CAMSAP1: variants seen among roughly 807,000 people sequenced by gnomAD.
CAMSAP1 encodes calmodulin-regulated spectrin-associated protein 1.
Under a neutral mutation model 143.5 loss-of-function variants are expected in CAMSAP1, and 58 were observed. The ratio of observed to expected loss-of-function variants is 0.40; its 90% CI spans 0.33 to 0.50. The LOEUF (loss-of-function observed/expected upper bound fraction) is 0.50, where lower values mean the gene tolerates loss of function less well. Among genes scored for constraint, CAMSAP1 ranks in the 20% least tolerant of loss-of-function variants. CAMSAP1 has a pLI of 0.45. For synonymous variants in CAMSAP1, 945 were observed against 859.3 expected (o/e 1.10, Z -1.74); for missense variants, 1,969 against 2,115.7 (o/e 0.93, Z 1.36).
intron 3 of CAMSAP1, among the ~76,000 whole-genome samples, chr9:135,878,341 C>T (rs1369913907): frequency 6.6e-6 from 1 of 152,072 alleles, no homozygotes; most frequent in African/African-American, 2.4e-5. Context: ...AGAACATGGC[C>T]ATTCCCCCAC....
rs751714475 is a variant in CAMSAP1 at position 135,822,064 on chromosome 9, T to C, written c.2597A>G (p.His866Arg). 2 of 1,612,268 alleles carry C rather than the reference T, an allele frequency of 1.2e-6. No homozygotes were observed. Among genetic ancestry groups the C allele is most frequent in the Non-Finnish European group, 1.7e-6 (2 of 1,179,436 alleles). The part of the protein sequence containing the change: ...RQKREQSPSQ[H>R]GKDPASLLAS... The stretch of plus-strand genomic sequence containing the variant: ...CAGGAGGCTGGCGGGATCCTTGCCA[T>C]GCTGGCTCGGACTCTGCTCCCTCTT... The change falls in exon 11 of 17, where the codon CAT becomes CGT. Residue 866 changes from histidine to arginine, a missense_variant. Physicochemically the swap from His to Arg is conservative, Grantham distance 29. Transcript: ENST00000389532. The surrounding 1 kb of genome is among the most constrained non-coding windows in gnomAD (Gnocchi z 6.1).
intron 1 of CAMSAP1, among the ~76,000 whole-genome samples, chr9:135,889,202 T>C (rs150236541): frequency 6.6e-6 from 1 of 152,288 alleles, no homozygotes; most frequent in East Asian, 1.9e-4. Flanking sequence ...CTCAACTGTA[T>C]GTAGCCCCCA....
intron 1 of CAMSAP1, among the ~76,000 whole-genome samples, 184 bp downstream of exon 1, chr9:135,906,816 G>C (rs544180323): frequency 6.6e-6 from 1 of 151,890 alleles, no homozygotes; most frequent in South Asian, 2.1e-4. Flanking sequence ...AGGTGACCGC[G>C]TCCCCACGCT....
At chr9:135,881,582 A>C in intron 3 of CAMSAP1, 51 bp downstream of exon 3, 1 of 1,544,496 alleles carries the variant, frequency 6.5e-7, no homozygotes, top group East Asian at 2.4e-5. Context: ...AGTGAAAAGG[A>C]GACCGGCCAC....
rs1254750885 is a variant in CAMSAP1 at position 135,882,595 on chromosome 9, G to T, written c.423+221C>A. Among the ~76,000 whole-genome samples, 1 of 152,162 alleles carries T rather than the reference G, an allele frequency of 6.6e-6. No individual in the cohort carries two copies. The highest frequency in any genetic ancestry group is 2.4e-5 in the African/African-American group (1 of 41,444). On this transcript the variant is annotated intron_variant, in intron 2 of 16. Transcript: ENST00000389532. The surrounding 1 kb of genome is among the most constrained non-coding windows in gnomAD (Gnocchi z 4.9). ...TCAGCATTCACAGAGCATTCCCAATGAGAAAAAGAGCTCAATGAAAGCTCT... is the reference window on the plus strand; with the variant it reads ...TCAGCATTCACAGAGCATTCCCAATTAGAAAAAGAGCTCAATGAAAGCTCT...
Position 135,904,838 on chromosome 9 carries a change from G to A in CAMSAP1, c.160+2162C>T, listed in dbSNP as rs372587132. 3.6e-4 allele frequency among the ~76,000 whole-genome samples: 55 copies of A among 152,258 alleles called. 1 individual carries two copies. In the East Asian group the frequency reaches 5.8e-3, roughly 16 times the overall value. On this transcript the variant is annotated intron_variant, in intron 1 of 16. Transcript: ENST00000389532. The stretch of plus-strand genomic sequence containing the variant: ...AAACTGGCCGGGAGTGGGGGCGCAC[G>A]CCTGTAATCCCAGCTACTTGGGAGG...
At chr9:135,877,496 TAAAAAAA>T (rs59498050) in intron 3 of CAMSAP1, among the ~76,000 whole-genome samples, 1 of 128,812 alleles carries the variant, frequency 7.8e-6, no homozygotes, top group South Asian at 2.4e-4. Flanking sequence ...AGAGCTGTCT[TAAAAAAA>T]AAAAAAAAAA....
At position 135,873,724 on chromosome 9, in the gene CAMSAP1, C is replaced by T. The variant is rs533777885; in HGVS notation, c.586-7188G>A. 4.9e-4 allele frequency among the ~76,000 whole-genome samples: 75 copies of T among 152,060 alleles called. 2 individuals carry two copies. In the South Asian group the frequency reaches 0.015, roughly 31 times the overall value. On this transcript the variant is annotated intron_variant, in intron 3 of 16. Transcript: ENST00000389532. ...ACAAATTACCAAAGCTAGCACAATG[C>T]TAAATAGAAAATCTATTATCATATG...
chr9:135,832,827 C>CA (rs1276027625), intron 7 of CAMSAP1, among the ~76,000 whole-genome samples: 1 of 152,060 alleles, frequency 6.6e-6, no homozygotes, highest in African/African-American at 2.4e-5. Flanking sequence ...TAAATATAAC[C>CA]AATGAGTAAA....
At chr9:135,890,915 C>T (rs994798086) in intron 1 of CAMSAP1, among the ~76,000 whole-genome samples, 77 of 152,332 alleles carry the variant, frequency 5.1e-4, no homozygotes, top group African/African-American at 1.8e-3. Flanking sequence ...GCCCCTCTCT[C>T]CCGCTGACAA....
At chr9:135,862,632 G>A (rs1305583258) in intron 4 of CAMSAP1, 24 bp from the exon 5 acceptor site, 1 of 1,550,770 alleles carries the variant, frequency 6.4e-7, no homozygotes, top group Non-Finnish European at 8.7e-7. Context: ...AAGGAAAACG[G>A]TCTCTGCATG....
At chr9:135,853,423 C>A (rs1324628534) in intron 5 of CAMSAP1, among the ~76,000 whole-genome samples, 2 of 152,166 alleles carry the variant, frequency 1.3e-5, no homozygotes, top group Non-Finnish European at 2.9e-5. Flanking sequence ...TTGAGAGAGA[C>A]ACAGAAATAA....
intron 4 of CAMSAP1, chr9:135,865,123 G>T (rs1037604541): frequency 7.1e-6 from 4 of 567,330 alleles, no homozygotes; most frequent in African/African-American, 5.7e-5. Flanking sequence ...TGGGCGAAAT[G>T]TAACTTAAGA....
rs533469942 is a variant in CAMSAP1, at chr9:135,808,995, A to G, written c.*2314T>C. 1 of 152,340 alleles carries G rather than the reference A, an allele frequency of 6.6e-6. No homozygotes were observed. The highest frequency in any genetic ancestry group is 2.1e-4 in the South Asian group (1 of 4,830). 9.4% of individuals were successfully genotyped at this position (152,340 alleles called of 1,614,324 possible). ...CGAAAGTTGTGCAAGCTTTCCGCTG[A>G]AAGAAATTTGCAACGAGACACAAAT... On this transcript the variant is annotated 3_prime_UTR_variant, in exon 17 of 17. Transcript: ENST00000389532.
chr9:135,821,308 G>A lies in CAMSAP1; in HGVS notation c.3353C>T (p.Ser1118Phe). 1 of 1,612,754 alleles carries A rather than the reference G, an allele frequency of 6.2e-7. No homozygotes were observed. The highest frequency in any genetic ancestry group is 8.5e-7 in the Non-Finnish European group (1 of 1,179,870). Residue 1118 changes from serine (S) to phenylalanine (F), a missense_variant, in exon 11 of 17, where the codon TCC becomes TTC. Ser to Phe is a radical substitution (Grantham distance 155, BLOSUM62 -2). Around this residue, in one of 4 missense-constraint regions of CAMSAP1, gnomAD observed 1,390 missense variants for 1,420.8 expected, o/e 0.98. Transcript: ENST00000389532. This position sits in a 1 kb window ranked among gnomAD's most constrained non-coding sequence, Gnocchi z 4.6. ...ACTGGGCGTTGGGGTTTTACTTCGGGAGGAGCCCTGTGGCCTGTCTTTTGG... is the reference window on the plus strand; with the variant it reads ...ACTGGGCGTTGGGGTTTTACTTCGGAAGGAGCCCTGTGGCCTGTCTTTTGG... ...KVPKDRPQGS[S>F]RSKTPTPSVE...
chr9:135,841,341 T>C (rs1836341877), intron 7 of CAMSAP1, among the ~76,000 whole-genome samples: 1 of 152,176 alleles, frequency 6.6e-6, no homozygotes, highest in African/African-American at 2.4e-5. Context: ...AGAAAAGTAT[T>C]AGCCCTAGTC....
chr9:135,879,619 AAACT>A (rs1220925914), intron 3 of CAMSAP1, among the ~76,000 whole-genome samples: 5 of 152,204 alleles, frequency 3.3e-5, no homozygotes, highest in African/African-American at 1.2e-4. Flanking sequence ...ACACCTACAC[AAACT>A]AATAGAAAGG....
intron 4 of CAMSAP1, 96 bp downstream of exon 4, chr9:135,866,360 T>G: frequency 1.4e-6 from 1 of 692,276 alleles, no homozygotes; most frequent in East Asian, 2.7e-5. Flanking sequence ...TGAGTAAAAA[T>G]AGAGAATAAG....
In CAMSAP1 at chr9:135,820,877, C is replaced by A; in HGVS notation, c.3784G>T (p.Glu1262Ter). 6.2e-7 allele frequency: 1 copy of A among 1,613,576 alleles called. No homozygotes were observed. The highest frequency in any genetic ancestry group is 8.5e-7 in the Non-Finnish European group (1 of 1,179,898). Residue 1262 changes from glutamate to a stop codon, truncating the protein, a stop_gained, in exon 11 of 17, where the codon GAA becomes TAA. Transcript: ENST00000389532. LOFTEE classifies it high-confidence loss of function. The surrounding 1 kb of genome is among the most constrained non-coding windows in gnomAD (Gnocchi z 4.4). ...SLDGSADLVS[E>*]GDQKPGVGFF... ...CCGACCCCCGGCTTCTGGTCGCCTT[C>A]GCTGACAAGGTCCGCCGAGCCATCG...
Sources: allele counts gnomAD v4.1 joint callset (sites outside exome capture counted in the v4.1 genomes callset), GRCh38; gene constraint gnomAD v4.1.1; regional missense constraint gnomAD v4.1.1; non-coding constraint Gnocchi (gnomAD v3.1); transcripts MANE v1.5; gene names NCBI Gene and HGNC (gene_info 2026-07-23, HGNC 2026-07-21).